The following PKHD1L1 variants were observed in gnomAD, a reference collection of about 807,000 sequenced individuals.
The protein encoded by PKHD1L1 is fibrocystin-L.
In PKHD1L1, 434 loss-of-function variants were observed where a neutral mutation model predicts 462.9. That is an observed-to-expected ratio of 0.94 (90% CI 0.87 to 1.02). The LOEUF is 1.02. Among genes scored for constraint, PKHD1L1 ranks in the 50% least tolerant of loss-of-function variants. The probability of loss-of-function intolerance (pLI) is 0.00; values close to 1 mark genes in which losing one functional copy is unlikely to be tolerated. For synonymous variants in PKHD1L1, 1,781 were observed against 1,750.0 expected, an observed-to-expected ratio of 1.02 and a Z score of -0.44; for missense variants, 5,202 against 5,096.1, an observed-to-expected ratio of 1.02 and a Z score of -0.63.
At chr8:109,433,855 A>T (rs1366678050) in intron 28 of PKHD1L1, among the ~76,000 whole-genome samples, 1 of 152,172 alleles carries the variant, frequency 6.6e-6, no homozygotes, top group African/African-American at 2.4e-5. Flanking sequence ...TCTAAGAGTC[A>T]ATATTGCACC....
rs189020493 is a variant in PKHD1L1, at chr8:109,410,791, C to A, written c.2085+813C>A. Among the ~76,000 whole-genome samples the A allele has an allele frequency of 3.1e-5, 4 of 128,688 alleles. 1 individual carries two copies. The South Asian group carries it at 1.0e-3, about 32-fold the overall frequency. The allele number at this position is 128,688 out of a possible 152,430, so 84.4% of individuals were successfully genotyped here. On this transcript the variant is annotated intron_variant, in intron 19 of 77. Coordinates refer to ENST00000378402, the MANE Select transcript of PKHD1L1 (RefSeq NM_177531.6). The stretch of plus-strand genomic sequence containing the variant: ...GTCTCCAGGCTGGAGTGCAGTGGCA[C>A]GATCTTGGCTCACTGCAACCTCCAC...
intron 21 of PKHD1L1, among the ~76,000 whole-genome samples, chr8:109,416,864 A>G (rs1814201598): frequency 6.6e-6 from 1 of 152,226 alleles, no homozygotes; most frequent in Non-Finnish European, 1.5e-5. Context: ...CATCTGAGGT[A>G]CATTTTCAAC....
At position 109,449,332 on chromosome 8, in the gene PKHD1L1, C is replaced by T. The variant is rs766480162; in HGVS notation, c.6026-6C>T. 1 of 1,563,422 alleles carries T rather than the reference C, an allele frequency of 6.4e-7. No individual in the cohort carries two copies. The highest frequency in any genetic ancestry group is 8.7e-7 in the Non-Finnish European group (1 of 1,152,914). Reference sequence around the variant, plus strand: ...TTTGTTTTTCCTTTTTATTTGTCTTCACTAGGGAGCTTTGGTGGGGGTCAA... The same window carrying T: ...TTTGTTTTTCCTTTTTATTTGTCTTTACTAGGGAGCTTTGGTGGGGGTCAA... On this transcript the variant is annotated splice_region_variant and splice_polypyrimidine_tract_variant and intron_variant, in intron 39 of 77. Transcript: ENST00000378402.
chr8:109,363,461 C>T (rs549369708), intron 1 of PKHD1L1, among the ~76,000 whole-genome samples: 229 of 152,276 alleles, frequency 1.5e-3, no homozygotes, highest in African/African-American at 5.4e-3. Context: ...CAGAACTGAA[C>T]AAGCCAATCA....
rs759715604 is a variant in PKHD1L1 at position 109,406,434 on chromosome 8, A to ATG, written c.1770_1771insGT (p.Pro591ValfsTer9). On this transcript the variant is annotated frameshift_variant, in exon 17 of 78. Transcript: ENST00000378402. LOFTEE classifies it high-confidence loss of function. ...ACAGTTCAAGTAATAAGAACACAAA[A>ATG]TCCCCAGAGCTATGTCTACATGGTA... is the stretch of plus-strand genomic sequence containing the variant. The ATG allele has an allele frequency of 5.6e-6, 9 of 1,600,580 alleles. No individual in the cohort carries two copies. In the Admixed American group the frequency reaches 8.6e-5, roughly 15 times the overall value.
intron 50 of PKHD1L1, among the ~76,000 whole-genome samples, chr8:109,467,576 G>T (rs968377036): frequency 6.6e-6 from 1 of 151,998 alleles, no homozygotes; most frequent in Non-Finnish European, 1.5e-5. Context: ...AGTCTGCCTA[G>T]TCTCACTCTA....
At chr8:109,373,774 T>C (rs1563714382) in intron 2 of PKHD1L1, among the ~76,000 whole-genome samples, 1 of 152,218 alleles carries the variant, frequency 6.6e-6, no homozygotes, top group African/African-American at 2.4e-5. Context: ...CCAGTAGTCA[T>C]TCAGGAGCAG....
At chr8:109,407,642 C>G (rs1167176667) in intron 17 of PKHD1L1, among the ~76,000 whole-genome samples, 1 of 152,068 alleles carries the variant, frequency 6.6e-6, no homozygotes, top group Non-Finnish European at 1.5e-5. Context: ...GCTTTGTGCC[C>G]TATTCATGTC....
chr8:109,379,992 C>T, intron 2 of PKHD1L1, among the ~76,000 whole-genome samples: 1 of 152,168 alleles, frequency 6.6e-6, no homozygotes, highest in Non-Finnish European at 1.5e-5. Context: ...CACCACCTAA[C>T]AAGAGCAAGG....
chr8:109,435,703 T>C (rs1460417918), intron 29 of PKHD1L1, among the ~76,000 whole-genome samples: 2 of 152,210 alleles, frequency 1.3e-5, no homozygotes, highest in Non-Finnish European at 2.9e-5. Flanking sequence ...GTGGAGCTTC[T>C]TGACCCAGAC....
intron 9 of PKHD1L1, among the ~76,000 whole-genome samples, chr8:109,391,849 T>C (rs974854579): frequency 6.6e-6 from 1 of 152,212 alleles, no homozygotes; most frequent in Non-Finnish European, 1.5e-5. Context: ...ACACTATCAT[T>C]GTATTTAGAG....
chr8:109,525,126 C>T (rs745948380), intron 76 of PKHD1L1, among the ~76,000 whole-genome samples: 1 of 152,178 alleles, frequency 6.6e-6, no homozygotes, highest in African/African-American at 2.4e-5. Context: ...ACAGTCACTG[C>T]ACTGAAGGAA....
chr8:109,500,501 C>G (rs948224253), intron 67 of PKHD1L1, among the ~76,000 whole-genome samples: 6 of 141,266 alleles, frequency 4.2e-5, no homozygotes, highest in Non-Finnish European at 6.1e-5. Flanking sequence ...ATGGTGAAAC[C>G]CCGACTCTAC....
chr8:109,529,793 A>G (rs915142733), intron 77 of PKHD1L1, among the ~76,000 whole-genome samples: 2 of 152,136 alleles, frequency 1.3e-5, no homozygotes, highest in Non-Finnish European at 2.9e-5. Flanking sequence ...TGAATAATAT[A>G]TTACTTTTAA....
intron 77 of PKHD1L1, among the ~76,000 whole-genome samples, chr8:109,529,803 A>G (rs1820985033): frequency 6.6e-6 from 1 of 152,098 alleles, no homozygotes; most frequent in Admixed American, 6.5e-5. Flanking sequence ...ATTACTTTTA[A>G]GAGGATCATG....
Position 109,522,987 on chromosome 8 carries a change from G to T in PKHD1L1, c.12330+97G>T, listed in dbSNP as rs1315256124. 3 of 1,294,378 alleles carry T rather than the reference G, an allele frequency of 2.3e-6. No homozygotes were observed. In the African/African-American group the frequency reaches 4.5e-5, roughly 19 times the overall value. 80.2% of individuals were successfully genotyped at this position (1,294,378 alleles called of 1,614,324 possible). A position where few individuals can be genotyped will look rare whatever the true frequency, so the allele number is the denominator to read the frequency against. On this transcript the variant is annotated intron_variant, in intron 75 of 77. Transcript: ENST00000378402. ...ACTCATCCTGGTGTGCTGGCAGCCT[G>T]AGGATCACACGGCCCTTTCAGAAGT...
intron 6 of PKHD1L1, among the ~76,000 whole-genome samples, chr8:109,387,423 G>T (rs1041038620): frequency 6.6e-6 from 1 of 152,198 alleles, no homozygotes; most frequent in African/African-American, 2.4e-5. Context: ...CAGCCAAATT[G>T]TCTGAGTTGG....
intron 23 of PKHD1L1, among the ~76,000 whole-genome samples, chr8:109,423,174 T>G (rs1340173951): frequency 6.6e-6 from 1 of 152,128 alleles, no homozygotes; most frequent in African/African-American, 2.4e-5. Context: ...TTTTTTTTCT[T>G]TTTTGAACGG....
At chr8:109,435,158 C>G (rs763041986) in intron 28 of PKHD1L1, 32 bp from the exon 29 acceptor site, 1 of 1,608,376 alleles carries the variant, frequency 6.2e-7, no homozygotes, top group South Asian at 1.1e-5. Flanking sequence ...TTTGATTTAC[C>G]ATTTTCTTCA....
Sources: allele counts gnomAD v4.1 joint callset (sites outside exome capture counted in the v4.1 genomes callset), GRCh38; gene constraint gnomAD v4.1.1; transcripts MANE v1.5; gene names NCBI Gene and HGNC (gene_info 2026-07-23, HGNC 2026-07-21).